The following MGA variants were observed in gnomAD, a reference collection of about 807,000 sequenced individuals.
MGA encodes MAX gene-associated protein.
MGA carries 40 observed loss-of-function variants against 261.1 expected under a neutral mutation model. The observed-to-expected ratio is 0.15, with a 90% CI of 0.12 to 0.20. MGA has a LOEUF of 0.20. MGA is among the 10% of genes least tolerant of loss of function. MGA has a pLI of 1.00. For synonymous variants in MGA, 1,302 were observed against 1,290.6 expected (o/e 1.01, Z -0.19); for missense variants, 3,397 against 3,630.5 (o/e 0.94, Z 1.65).
chr15:41,629,672 T>G (rs1185413173), intron 1 of MGA, among the ~76,000 whole-genome samples: 2 of 152,000 alleles, frequency 1.3e-5, no homozygotes, highest in African/African-American at 4.8e-5. Flanking sequence ...GAAGCTACAA[T>G]GAGCCATGAT....
rs181926606 is a variant in MGA at position 41,678,457 on chromosome 15, G to A, written c.1064+8499G>A. On this transcript the variant is annotated intron_variant, in intron 2 of 23. Coordinates refer to ENST00000219905, the MANE Select transcript of MGA (RefSeq NM_001164273.2). Reference sequence around the variant, plus strand: ...TTTGCATGTGTGTATCCAGTTTCCCGTCACCATTCATTGAAAAGACTGTCC... The same window carrying A: ...TTTGCATGTGTGTATCCAGTTTCCCATCACCATTCATTGAAAAGACTGTCC... Among the ~76,000 whole-genome samples, 91 of 150,938 alleles carry A rather than the reference G, an allele frequency of 6.0e-4. No homozygotes were observed. The East Asian group carries it at 0.012, about 20-fold the overall frequency.
At chr15:41,720,493 C>T (rs183932667) in intron 9 of MGA, among the ~76,000 whole-genome samples, 10 of 152,212 alleles carry the variant, frequency 6.6e-5, no homozygotes, top group Admixed American at 6.5e-4. Flanking sequence ...CGTGATAGTG[C>T]CACTGCACTC....
chr15:41,661,214 T>C (rs1162303457), intron 1 of MGA, among the ~76,000 whole-genome samples: 2 of 152,048 alleles, frequency 1.3e-5, no homozygotes, highest in Admixed American at 6.6e-5. Context: ...GCAGGTGTTA[T>C]TTTCTTTATT....
At chr15:41,727,508 CT>C in intron 10 of MGA, 102 bp downstream of exon 10, 1 of 1,104,438 alleles carries the variant, frequency 9.1e-7, no homozygotes, top group Non-Finnish European at 1.3e-6. Context: ...AATCATTTTG[CT>C]TTCAGTAATA....
rs757156800 is a variant in MGA at position 41,749,846 on chromosome 15, A to G, written c.6239A>G (p.Lys2080Arg). ...AGGAATCGTAAGAGTTCCAAAGAAA[A>G]AGTGGCTGTTCTGGAAGTTAGGACC... Residue 2080 changes from lysine to arginine, a missense_variant, in exon 17 of 24, where the codon AAA (lysine) becomes AGA (arginine). Around this residue, in one of 9 missense-constraint regions of MGA, gnomAD observed 1,410 missense variants for 1,386.4 expected, o/e 1.02. Transcript: ENST00000219905. 10 of 1,613,940 alleles carry G rather than the reference A, an allele frequency of 6.2e-6. No homozygotes were observed. Among genetic ancestry groups the G allele is most frequent in the Non-Finnish European group, 8.5e-6 (10 of 1,179,880 alleles).
chr15:41,767,139 C>T lies in MGA; in HGVS notation c.9057C>T (p.Ala3019=). The T allele has an allele frequency of 6.2e-7, 1 of 1,613,904 alleles. No individual in the cohort carries two copies. Among genetic ancestry groups the T allele is most frequent in the Non-Finnish European group, 8.5e-7 (1 of 1,179,870 alleles). The change falls in exon 24 of 24, where the codon GCC becomes GCT. Residue 3019 remains alanine (A), a synonymous_variant. Transcript: ENST00000219905. ...TGCCTTGTTTGGCACCTATAGCTGC[C>T]AAAGTTGGGTCAGTTGGACACAAAA...
intron 9 of MGA, among the ~76,000 whole-genome samples, chr15:41,715,876 C>G (rs899761990): frequency 2.8e-4 from 42 of 152,138 alleles, no homozygotes; most frequent in Middle Eastern, 3.2e-3. Flanking sequence ...ACTGAGTTTA[C>G]TCCCTTCTTA....
chr15:41,716,315 G>A (rs1411393418), intron 9 of MGA, among the ~76,000 whole-genome samples: 3 of 151,976 alleles, frequency 2.0e-5, no homozygotes, highest in East Asian at 1.9e-4. Flanking sequence ...TTAGCCAGGC[G>A]TGGTGGCGGG....
chr15:41,714,392 C>T (rs531536201), intron 9 of MGA, among the ~76,000 whole-genome samples: 2 of 152,264 alleles, frequency 1.3e-5, no homozygotes, highest in Non-Finnish European at 2.9e-5. Flanking sequence ...TGATGAACAT[C>T]CATGTTCAAG....
At chr15:41,722,109 T>C (rs975276463) in intron 9 of MGA, among the ~76,000 whole-genome samples, 1 of 150,340 alleles carries the variant, frequency 6.7e-6, no homozygotes, top group Non-Finnish European at 1.5e-5. Context: ...ATATAAACTT[T>C]TAAAGTAGGC....
chr15:41,665,857 C>T (rs1481304009), intron 1 of MGA, among the ~76,000 whole-genome samples: 1 of 152,142 alleles, frequency 6.6e-6, no homozygotes, highest in Non-Finnish European at 1.5e-5. Context: ...TAAATGGAAT[C>T]ATACAATATA....
At chr15:41,706,348 T>C (rs955848749) in intron 5 of MGA, among the ~76,000 whole-genome samples, 10 of 150,766 alleles carry the variant, frequency 6.6e-5, no homozygotes, top group Non-Finnish European at 1.0e-4. Context: ...TTTTAAGAGA[T>C]GTGGTCTTCC....
intron 15 of MGA, among the ~76,000 whole-genome samples, chr15:41,744,397 G>A (rs2062311810): frequency 6.6e-6 from 1 of 151,898 alleles, no homozygotes; most frequent in South Asian, 2.1e-4. Context: ...TAGAGACGAG[G>A]TTTCTCCATT....
chr15:41,684,528 C>G (rs773876576), intron 2 of MGA: 17 of 364,594 alleles, frequency 4.7e-5, no homozygotes, highest in Non-Finnish European at 7.0e-5. Flanking sequence ...TAGAAGAAAT[C>G]CTTTCTGAGA....
intron 1 of MGA, among the ~76,000 whole-genome samples, chr15:41,637,706 A>G (rs989562640): frequency 6.6e-6 from 1 of 152,078 alleles, no homozygotes; most frequent in Admixed American, 6.6e-5. Flanking sequence ...GCTAGAAGGA[A>G]CCAGAAATGA....
At chr15:41,647,080 C>G (rs1036153474) in intron 1 of MGA, among the ~76,000 whole-genome samples, 1 of 152,142 alleles carries the variant, frequency 6.6e-6, no homozygotes, top group African/African-American at 2.4e-5. Context: ...TAGCTTGGCT[C>G]TCTTTTCTCA....
rs2063918759 is a variant in MGA, at chr15:41,768,786, G to A, written c.*1506G>A. ...CTCAGCATATCTTCAGACCTAGGTT[G>A]TAAGACCAACTTTGGATTGGATCTA... is the stretch of plus-strand genomic sequence containing the variant. On this transcript the variant is annotated 3_prime_UTR_variant, in exon 24 of 24. Transcript: ENST00000219905. The A allele has an allele frequency of 6.6e-6, 1 of 152,414 alleles. No homozygotes were observed. The highest frequency in any genetic ancestry group is 6.5e-5 in the Admixed American group (1 of 15,286). 9.4% of individuals were successfully genotyped at this position (152,414 alleles called of 1,614,324 possible). A position where few individuals can be genotyped will look rare whatever the true frequency, so the allele number is the denominator to read the frequency against.
chr15:41,715,644 T>C (rs1438537344), intron 9 of MGA, among the ~76,000 whole-genome samples: 3 of 152,196 alleles, frequency 2.0e-5, no homozygotes, highest in Non-Finnish European at 4.4e-5. Context: ...TGAATTAAAA[T>C]GTCACCTGTA....
chr15:41,656,946 A>ATTTTT (rs2057215205), upstream of MGA, among the ~76,000 whole-genome samples: 1 of 151,732 alleles, frequency 6.6e-6, no homozygotes, highest in Non-Finnish European at 1.5e-5. Context: ...CTAATTTTTT[A>ATTTTT]ATATTTTGCA....
Sources: gnomAD v4.1 joint callset for allele counts (sites outside exome capture counted in the v4.1 genomes callset) on GRCh38, gnomAD v4.1.1 for gene constraint, gnomAD v4.1.1 regional missense constraint, MANE v1.5 for transcripts, NCBI Gene and HGNC (gene_info 2026-07-23, HGNC 2026-07-21) for gene names.